The following ZIM2 variants were observed in gnomAD, a reference collection of about 807,000 sequenced individuals.
ZIM2 encodes zinc finger protein 656.
A neutral mutation model predicts 38.6 loss-of-function variants in ZIM2; 14 were observed. That is an observed-to-expected ratio of 0.36 (90% confidence interval 0.24 to 0.57). ZIM2 has a LOEUF of 0.57. Among genes scored for constraint, ZIM2 ranks in the 20% least tolerant of loss-of-function variants. ZIM2 has a pLI of 0.81. For missense variants in ZIM2, 680 were observed against 695.1 expected (o/e 0.98, Z 0.24); for synonymous variants, 247 against 245.8 (o/e 1.00, Z -0.04).
chr19:56,817,137 G>C, intron 9 of ZIM2: 1 of 1,614,166 alleles, frequency 6.2e-7, no homozygotes, highest in Non-Finnish European at 8.5e-7. Context: ...AGGAGGGGGA[G>C]CTGAGGCTGC....
intron 9 of ZIM2, among the ~76,000 whole-genome samples, chr19:56,794,200 G>C (rs1457730734): frequency 6.6e-6 from 1 of 152,294 alleles, no homozygotes; most frequent in East Asian, 1.9e-4. Flanking sequence ...CTGTGCCAGT[G>C]GGTTAAGTAC....
At chr19:56,793,592 C>G (rs915080243) in intron 9 of ZIM2, among the ~76,000 whole-genome samples, 1 of 152,072 alleles carries the variant, frequency 6.6e-6, no homozygotes, top group African/African-American at 2.4e-5. Context: ...CTATAAATAG[C>G]CAATCAACAT....
At chr19:56,782,751 T>A (rs2046389782) in intron 10 of ZIM2, among the ~76,000 whole-genome samples, 1 of 152,140 alleles carries the variant, frequency 6.6e-6, no homozygotes, top group Admixed American at 6.5e-5. Flanking sequence ...ATAGTACTTG[T>A]ATATACTTAC....
chr19:56,839,781 C>T (rs2062757959), intron 1 of ZIM2, among the ~76,000 whole-genome samples: 3 of 152,206 alleles, frequency 2.0e-5, no homozygotes, highest in African/African-American at 7.2e-5. Flanking sequence ...AGCGCCTGCG[C>T]GGCAAACCTC....
intron 9 of ZIM2, chr19:56,812,360 A>G: frequency 1.0e-6 from 1 of 984,738 alleles, no homozygotes; most frequent in Non-Finnish European, 1.2e-6. Flanking sequence ...TGTTAACAAA[A>G]CAAATTAAGG....
chr19:56,818,460 T>A, intron 8 of ZIM2, 140 bp downstream of exon 8: 1 of 922,354 alleles, frequency 1.1e-6, no homozygotes, highest in Non-Finnish European at 1.6e-6. Context: ...CTCCCTCATT[T>A]GAAATCTTTC....
chr19:56,837,676 C>T (rs1158073464), intron 1 of ZIM2, among the ~76,000 whole-genome samples: 2 of 152,172 alleles, frequency 1.3e-5, no homozygotes, highest in African/African-American at 4.8e-5. Flanking sequence ...CTCAGGAAGG[C>T]TCCAGTGCAG....
chr19:56,820,160 A>C (rs767503662), intron 7 of ZIM2, among the ~76,000 whole-genome samples: 1 of 152,246 alleles, frequency 6.6e-6, no homozygotes, highest in Non-Finnish European at 1.5e-5. Context: ...AATCAAGTTC[A>C]ATGGAAGAGA....
intron 9 of ZIM2, chr19:56,816,993 A>G (rs1336909020): frequency 1.2e-6 from 2 of 1,614,098 alleles, no homozygotes; most frequent in Admixed American, 1.7e-5. Context: ...TAAAGGACTC[A>G]CCATACTCAT....
At chr19:56,827,860 C>A (rs922329169) in intron 2 of ZIM2, among the ~76,000 whole-genome samples, 4 of 152,068 alleles carry the variant, frequency 2.6e-5, no homozygotes, top group Non-Finnish European at 4.4e-5. Context: ...AAAAGATGTG[C>A]TTAGACAGAT....
intron 2 of ZIM2, among the ~76,000 whole-genome samples, chr19:56,831,212 A>C (rs904794526): frequency 3.2e-4 from 49 of 152,354 alleles, no homozygotes; most frequent in African/African-American, 1.1e-3. Flanking sequence ...TAAGGATATA[A>C]GCACTAGGAC....
intron 9 of ZIM2, chr19:56,815,404 G>A: frequency 6.2e-7 from 1 of 1,614,172 alleles, no homozygotes; most frequent in Non-Finnish European, 8.5e-7. Flanking sequence ...TTGAGGGTCA[G>A]TAGGGGCCAA....
intron 2 of ZIM2, among the ~76,000 whole-genome samples, chr19:56,835,047 T>C (rs1328307225): frequency 1.3e-5 from 2 of 152,072 alleles, no homozygotes; most frequent in Non-Finnish European, 2.9e-5. Flanking sequence ...ACAGAGAAAG[T>C]GAGGAGTCTC....
At chr19:56,778,447 G>C (rs563086036) in intron 12 of ZIM2, among the ~76,000 whole-genome samples, 1 of 152,330 alleles carries the variant, frequency 6.6e-6, no homozygotes, top group East Asian at 1.9e-4. Flanking sequence ...ACAGCTGCTA[G>C]TTCAGGAAAG....
chr19:56,790,609 C>A (rs2046880983), intron 9 of ZIM2, among the ~76,000 whole-genome samples: 1 of 152,108 alleles, frequency 6.6e-6, no homozygotes, highest in African/African-American at 2.4e-5. Flanking sequence ...CTTAATAATG[C>A]CCCCAAAGCA....
chr19:56,792,645 G>A (rs747821203), intron 9 of ZIM2, among the ~76,000 whole-genome samples: 3 of 151,446 alleles, frequency 2.0e-5, no homozygotes, highest in Admixed American at 6.6e-5. Context: ...CAATAAACAC[G>A]GAAAATTCCA....
chr19:56,821,394 A>G (rs910308658), intron 7 of ZIM2, among the ~76,000 whole-genome samples: 1 of 152,136 alleles, frequency 6.6e-6, no homozygotes, highest in Non-Finnish European at 1.5e-5. Context: ...GGAACGGCCA[A>G]TGTGACCAAC....
At chr19:56,839,013 C>A (rs995781539) in intron 1 of ZIM2, among the ~76,000 whole-genome samples, 7 of 152,190 alleles carry the variant, frequency 4.6e-5, no homozygotes, top group African/African-American at 1.2e-4. Flanking sequence ...CCGGGCAACG[C>A]CTGCGCGGCA....
intron 9 of ZIM2, chr19:56,816,307 A>C: frequency 6.2e-7 from 1 of 1,614,094 alleles, no homozygotes; most frequent in Non-Finnish European, 8.5e-7. Flanking sequence ...GCCTTCAAAG[A>C]GGTTCTTTCG....
Sources: gnomAD v4.1 joint callset for allele counts (sites outside exome capture counted in the v4.1 genomes callset) on GRCh38, gnomAD v4.1.1 for gene constraint, MANE v1.5 for transcripts, NCBI Gene and HGNC (gene_info 2026-07-23, HGNC 2026-07-21) for gene names.